The following TBC1D2B variants were observed in gnomAD, a reference collection of about 807,000 sequenced individuals.
TBC1D2B encodes TBC1 domain family member 2B.
In TBC1D2B, 64 loss-of-function variants were observed where a neutral mutation model predicts 100.8. The ratio of observed to expected loss-of-function variants is 0.64; its 90% CI spans 0.52 to 0.78. TBC1D2B has a LOEUF of 0.78. Ranked by LOEUF, TBC1D2B falls within the 30% of genes least tolerant of loss-of-function variation. The probability of loss-of-function intolerance (pLI) is 0.00; values close to 1 mark genes in which losing one functional copy is unlikely to be tolerated. For synonymous variants in TBC1D2B, 480 were observed against 479.7 expected, an observed-to-expected ratio of 1.00 and a Z score of -0.01; for missense variants, 1,052 against 1,218.4, an observed-to-expected ratio of 0.86 and a Z score of 2.03.
chr15:78,073,131 A>G (rs1441655534), intron 1 of TBC1D2B, among the ~76,000 whole-genome samples: 1 of 152,256 alleles, frequency 6.6e-6, no homozygotes. Flanking sequence ...CTCTACTTTC[A>G]GAGAGGGTCT....
At chr15:78,018,778 T>TA in intron 6 of TBC1D2B, among the ~76,000 whole-genome samples, 1 of 152,198 alleles carries the variant, frequency 6.6e-6, no homozygotes, top group Non-Finnish European at 1.5e-5. Context: ...TGTTTTCATG[T>TA]AAAACACTGA....
At chr15:77,999,726 G>A (rs1490642297) in intron 12 of TBC1D2B, among the ~76,000 whole-genome samples, 6 of 152,102 alleles carry the variant, frequency 3.9e-5, no homozygotes, top group Admixed American at 1.3e-4. Flanking sequence ...ACACGAGCCC[G>A]AAGTATAATT....
chr15:78,017,853 CA>C lies in TBC1D2B; in HGVS notation c.1574del (p.Met525ArgfsTer14), dbSNP rs751774046. ...TCCACCTATCCTGACCCACCTTTGC[CA>C]TCAGATCCCTCTCTCTCCTTTCTGC... is the stretch of plus-strand genomic sequence containing the variant. ...RNAERRERDL[M>X]AKYSSLEAKL... On this transcript the variant is annotated frameshift_variant, in exon 7 of 13. Transcript: ENST00000300584. LOFTEE classifies it high-confidence loss of function. 1.9e-6 allele frequency: 3 copies of C among 1,606,570 alleles called. No homozygotes were observed. The highest frequency in any genetic ancestry group is 2.6e-6 in the Non-Finnish European group (3 of 1,175,546).
chr15:78,010,670 T>C (rs1468775890), intron 9 of TBC1D2B, among the ~76,000 whole-genome samples: 1 of 151,944 alleles, frequency 6.6e-6, no homozygotes, highest in Non-Finnish European at 1.5e-5. Flanking sequence ...GTAGAGAGTC[T>C]GAAAGCGACA....
At chr15:77,998,645 G>C (rs1192551860) in intron 12 of TBC1D2B, 1 of 360,028 alleles carries the variant, frequency 2.8e-6, no homozygotes, top group Non-Finnish European at 5.1e-6. Flanking sequence ...CTGCACACTG[G>C]GGTAAGAGTA....
chr15:78,059,790 C>G (rs1053194572), intron 1 of TBC1D2B, among the ~76,000 whole-genome samples: 1 of 152,172 alleles, frequency 6.6e-6, no homozygotes, highest in African/African-American at 2.4e-5. Flanking sequence ...CAGCTCTCAA[C>G]TTGATGCTTA....
chr15:78,000,688 G>A (rs1294761542), intron 12 of TBC1D2B, among the ~76,000 whole-genome samples: 1 of 152,184 alleles, frequency 6.6e-6, no homozygotes, highest in Non-Finnish European at 1.5e-5. Flanking sequence ...TGTCCAAATC[G>A]GCTCTCAGGG....
At chr15:78,066,728 T>A (rs2073664109) in intron 1 of TBC1D2B, among the ~76,000 whole-genome samples, 1 of 152,372 alleles carries the variant, frequency 6.6e-6, no homozygotes, top group East Asian at 1.9e-4. Context: ...GGTTCACTTC[T>A]AAGGCCAGAG....
At chr15:78,009,991 A>G in intron 9 of TBC1D2B, among the ~76,000 whole-genome samples, 1 of 152,146 alleles carries the variant, frequency 6.6e-6, no homozygotes, top group Non-Finnish European at 1.5e-5. Flanking sequence ...AAAAAAAAAA[A>G]AAGATTTTTG....
intron 3 of TBC1D2B, among the ~76,000 whole-genome samples, chr15:78,040,707 GAGGAAGGAAGGAGAGAGAAA>G (rs1456564662): frequency 8.5e-6 from 1 of 117,844 alleles, no homozygotes. Context: ...GGGAGGGAGG[GAGGAAGGAAGGAGAGAGAAA>G]AGGAAGGAAG....
At chr15:78,045,925 A>G (rs1233242477) in intron 2 of TBC1D2B, among the ~76,000 whole-genome samples, 1 of 152,072 alleles carries the variant, frequency 6.6e-6, no homozygotes, top group African/African-American at 2.4e-5. Context: ...TTTGATAAAA[A>G]CATTTTTCTT....
At chr15:78,027,802 C>G (rs1567021430) in intron 4 of TBC1D2B, among the ~76,000 whole-genome samples, 1 of 152,208 alleles carries the variant, frequency 6.6e-6, no homozygotes, top group South Asian at 2.1e-4. Context: ...GTTTTAATCT[C>G]TTTTTTTCCA....
At position 78,059,202 on chromosome 15, in the gene TBC1D2B, G is replaced by A. The variant is rs140634169; in HGVS notation, c.361-5015C>T. 7.4e-4 allele frequency among the ~76,000 whole-genome samples: 113 copies of A among 152,328 alleles called. 1 individual carries two copies. Among genetic ancestry groups the A allele is most frequent in the Middle Eastern group, 3.4e-3 (1 of 294 alleles). On this transcript the variant is annotated intron_variant, in intron 1 of 12. Coordinates refer to ENST00000300584, the MANE Select transcript of TBC1D2B (RefSeq NM_144572.2). ...CCAGGTAACCCTCCCATGGAGGTGA[G>A]GGCACTCCCTGTGTGTTCCTCACTA...
At chr15:78,017,666 A>T (rs1319205129) in intron 7 of TBC1D2B, among the ~76,000 whole-genome samples, 181 bp downstream of exon 7, 1 of 152,224 alleles carries the variant, frequency 6.6e-6, no homozygotes, top group Non-Finnish European at 1.5e-5. Flanking sequence ...TTCATCAGAG[A>T]TAATAAAATG....
chr15:78,026,675 C>T (rs1016914086), intron 4 of TBC1D2B, among the ~76,000 whole-genome samples: 4 of 152,030 alleles, frequency 2.6e-5, no homozygotes, highest in East Asian at 3.9e-4. Context: ...CAGCACTTTG[C>T]GAGGCCGAGG....
Position 78,024,032 on chromosome 15 carries a change from G to A in TBC1D2B, c.1470+124C>T, listed in dbSNP as rs550726118. 1.9e-4 allele frequency: 240 copies of A among 1,254,616 alleles called. 1 individual carries two copies. In the African/African-American group the frequency reaches 3.2e-3, roughly 17 times the overall value. 77.7% of individuals were successfully genotyped at this position (1,254,616 alleles called of 1,614,324 possible). A position where few individuals can be genotyped will look rare whatever the true frequency, so the allele number is the denominator to read the frequency against. On this transcript the variant is annotated intron_variant, in intron 6 of 12. Transcript: ENST00000300584. ...TGATGGTAAGTCCTGTTACACTTGT[G>A]GGGAAAAAAAATAAGTGTGCAGCTG...
At chr15:78,043,479 A>G (rs1567027217) in intron 3 of TBC1D2B, among the ~76,000 whole-genome samples, 2 of 152,158 alleles carry the variant, frequency 1.3e-5, no homozygotes, top group Non-Finnish European at 2.9e-5. Context: ...AGCTCACTGC[A>G]GCCTCGACCT....
intron 3 of TBC1D2B, among the ~76,000 whole-genome samples, chr15:78,030,570 A>T (rs955229236): frequency 3.9e-5 from 6 of 152,068 alleles, no homozygotes; most frequent in Non-Finnish European, 8.8e-5. Flanking sequence ...TCGGCCTCCC[A>T]AAGTGCTGGG....
intron 10 of TBC1D2B, 47 bp from the exon 11 acceptor site, chr15:78,003,537 C>T: frequency 6.6e-7 from 1 of 1,512,208 alleles, no homozygotes; most frequent in Non-Finnish European, 9.1e-7. Context: ...TGCCAGGTCA[C>T]CGGGTAAGCA....
Sources: allele counts gnomAD v4.1 joint callset (sites outside exome capture counted in the v4.1 genomes callset), GRCh38; gene constraint gnomAD v4.1.1; transcripts MANE v1.5; gene names NCBI Gene and HGNC (gene_info 2026-07-23, HGNC 2026-07-21).